Variants in PSD3 observed in about 807,000 individuals in gnomAD.
PSD3 encodes the protein pleckstrin and Sec7 domain containing 3.
A neutral mutation model predicts 105.5 loss-of-function variants in PSD3; 49 were observed. The ratio of observed to expected loss-of-function variants is 0.46; its 90% CI spans 0.37 to 0.59. The LOEUF (loss-of-function observed/expected upper bound fraction) is 0.59. Ranked by LOEUF, PSD3 falls within the 20% of genes least tolerant of loss-of-function variation. The pLI, the probability that PSD3 is intolerant of heterozygous loss-of-function variation, is 0.00. For synonymous variants in PSD3, 557 were observed against 457.8 expected (o/e 1.22, Z -2.77); for missense variants, 1,561 against 1,263.8 (o/e 1.24, Z -3.57).
intron 2 of PSD3, among the ~76,000 whole-genome samples, chr8:18,905,015 T>G (rs74347684): frequency 1.3e-5 from 2 of 152,180 alleles, no homozygotes; most frequent in African/African-American, 2.4e-5. Flanking sequence ...TTTTAAAATA[T>G]AGCAAATACA....
chr8:18,872,874 TGTAACACAC>T, intron 2 of PSD3, 141 bp from the exon 3 acceptor site: 1 of 790,604 alleles, frequency 1.3e-6, no homozygotes, highest in African/African-American at 1.7e-5. Flanking sequence ...CCCACCACCC[TGTAACACAC>T]ACTCCTCATG....
At position 19,046,430 on chromosome 8, in the gene PSD3, T is replaced by C. The variant is rs1037420500; in HGVS notation, c.324+37776A>G. 1.4e-4 allele frequency among the ~76,000 whole-genome samples: 22 copies of C among 152,244 alleles called. 1 individual carries two copies. In the South Asian group the frequency reaches 1.7e-3, roughly 11 times the overall value. ...GGCCGGTAACTAGATCTTATACTTC[T>C]GACCTTTTCATCATTTTAGCAGCAA... On this transcript the variant is annotated intron_variant, in intron 1 of 1. Transcript: ENST00000521475.
chr8:18,561,367 A>C (rs997677186), intron 14 of PSD3, among the ~76,000 whole-genome samples: 1 of 152,242 alleles, frequency 6.6e-6, no homozygotes, highest in Non-Finnish European at 1.5e-5. Context: ...TAACTGAAGT[A>C]AGACCGGCAC....
chr8:18,916,446 C>T (rs1029591145), intron 2 of PSD3, among the ~76,000 whole-genome samples: 5 of 147,628 alleles, frequency 3.4e-5, no homozygotes, highest in African/African-American at 7.5e-5. Flanking sequence ...ACGGATAAAC[C>T]TAGAGGACAT....
At chr8:18,987,297 T>C (rs1248203533) in intron 1 of PSD3, among the ~76,000 whole-genome samples, 1 of 149,938 alleles carries the variant, frequency 6.7e-6, no homozygotes, top group East Asian at 2.0e-4. Context: ...TTTTTATATA[T>C]ATTTTTTTAA....
At chr8:19,015,045 A>G (rs985354342), upstream of PSD3, among the ~76,000 whole-genome samples, 3 of 152,164 alleles carry the variant, frequency 2.0e-5, no homozygotes, top group African/African-American at 7.2e-5. Flanking sequence ...GTTTGGCTGT[A>G]TCCCCACCCA....
intron 1 of PSD3, among the ~76,000 whole-genome samples, chr8:19,004,774 G>GGGT (rs1483052597): frequency 6.6e-6 from 1 of 151,950 alleles, no homozygotes; most frequent in Non-Finnish European, 1.5e-5. Flanking sequence ...TGAATTACCG[G>GGGT]GGTGAGTCTT....
chr8:18,862,777 T>G (rs956322803), intron 4 of PSD3, among the ~76,000 whole-genome samples: 2 of 151,744 alleles, frequency 1.3e-5, no homozygotes, highest in African/African-American at 4.8e-5. Flanking sequence ...TTATTTCACA[T>G]GAATTCTTCC....
chr8:18,796,204 A>G (rs1046513713), intron 8 of PSD3, among the ~76,000 whole-genome samples: 1 of 152,130 alleles, frequency 6.6e-6, no homozygotes, highest in Middle Eastern at 3.2e-3. Context: ...ATTGTTTTTT[A>G]TCTAGCCTAA....
At chr8:18,842,655 C>T (rs1257353973) in intron 4 of PSD3, among the ~76,000 whole-genome samples, 1 of 152,022 alleles carries the variant, frequency 6.6e-6, no homozygotes, top group Non-Finnish European at 1.5e-5. Flanking sequence ...ATGGCGTGAA[C>T]CCGGGATGCG....
Position 19,046,398 on chromosome 8 carries a change from C to T in PSD3, c.324+37808G>A, listed in dbSNP as rs149596411. ...GTGTTGGGATTACAGGCTGAGCCAC[C>T]GTGCCTGGCCGGTAACTAGATCTTA... On this transcript the variant is annotated intron_variant, in intron 1 of 1. Transcript: ENST00000521475. 1.2e-3 allele frequency among the ~76,000 whole-genome samples: 178 copies of T among 152,130 alleles called. 5 individuals carry two copies. The East Asian group carries it at 0.029, about 24-fold the overall frequency.
chr8:18,954,614 T>C (rs944310508), intron 1 of PSD3, among the ~76,000 whole-genome samples: 16 of 152,204 alleles, frequency 1.1e-4, no homozygotes, highest in African/African-American at 3.9e-4. Context: ...GTCTATCATA[T>C]TCCAATTTCA....
At chr8:18,675,243 G>A (rs750958388) in intron 9 of PSD3, among the ~76,000 whole-genome samples, 8 of 152,254 alleles carry the variant, frequency 5.3e-5, no homozygotes, top group East Asian at 1.9e-4. Context: ...AGCCACTGGG[G>A]CACCAGGATC....
intron 9 of PSD3, among the ~76,000 whole-genome samples, chr8:18,759,197 A>G (rs1806310676): frequency 6.6e-6 from 1 of 151,876 alleles, no homozygotes; most frequent in South Asian, 2.1e-4. Context: ...AAGTAAAGCA[A>G]TTTCTATAAA....
intron 9 of PSD3, among the ~76,000 whole-genome samples, chr8:18,752,510 A>ATATT (rs397690498): frequency 1.5e-5 from 1 of 67,916 alleles, no homozygotes; most frequent in African/African-American, 7.6e-5. Context: ...TAATATATAT[A>ATATT]ATATATGTAA....
At chr8:18,551,807 G>T (rs1260401188) in intron 15 of PSD3, among the ~76,000 whole-genome samples, 1 of 152,056 alleles carries the variant, frequency 6.6e-6, no homozygotes, top group Non-Finnish European at 1.5e-5. Flanking sequence ...ATACCGAGAA[G>T]TATCTTCCTT....
chr8:18,564,533 G>A (rs1801607656), intron 14 of PSD3, among the ~76,000 whole-genome samples: 1 of 151,716 alleles, frequency 6.6e-6, no homozygotes, highest in Non-Finnish European at 1.5e-5. Context: ...GGAGGCTGAG[G>A]CAGGACAATC....
intron 2 of PSD3, among the ~76,000 whole-genome samples, chr8:18,881,831 T>C (rs748334167): frequency 6.6e-6 from 1 of 152,224 alleles, no homozygotes; most frequent in African/African-American, 2.4e-5. Context: ...CTCCAGAGCC[T>C]ATAACAATTT....
At chr8:19,005,697 C>G (rs1228722312) in intron 1 of PSD3, among the ~76,000 whole-genome samples, 1 of 151,842 alleles carries the variant, frequency 6.6e-6, no homozygotes, top group Non-Finnish European at 1.5e-5. Flanking sequence ...CTATGTTGCC[C>G]AGACTGGTCT....
Sources: allele counts gnomAD v4.1 joint callset (sites outside exome capture counted in the v4.1 genomes callset), GRCh38; gene constraint gnomAD v4.1.1; transcripts MANE v1.5; gene names NCBI Gene and HGNC (gene_info 2026-07-23, HGNC 2026-07-21).